TEF: variants seen among roughly 807,000 people sequenced by gnomAD.
TEF encodes thyrotroph embryonic factor.
Under a neutral mutation model 20.8 loss-of-function variants are expected in TEF, and 3 were observed. That is an observed-to-expected ratio of 0.14 (90% confidence interval 0.07 to 0.37). The LOEUF (loss-of-function observed/expected upper bound fraction) is 0.37, where lower values mean the gene tolerates loss of function less well. Ranked by LOEUF, TEF falls within the 10% of genes least tolerant of loss-of-function variation. The probability of loss-of-function intolerance (pLI) is 1.00; values close to 1 mark genes in which losing one functional copy is unlikely to be tolerated. For missense variants in TEF, 296 were observed against 397.9 expected (o/e 0.74, Z 2.18); for synonymous variants, 180 against 171.1 (o/e 1.05, Z -0.41).
rs1210565844 is a variant in TEF, at chr22:41,395,964, G to A, written c.*4G>A. 23 of 1,606,714 alleles carry A rather than the reference G, an allele frequency of 1.4e-5. No individual in the cohort carries two copies. Among genetic ancestry groups the A allele is most frequent in the Admixed American group, 6.7e-5 (4 of 59,872 alleles). The stretch of plus-strand genomic sequence containing the variant: ...GACCAAATACGGGCCCTTGTAACCC[G>A]TGCCCCCCGCCCGGGCGGGGTACTG... On this transcript the variant is annotated 3_prime_UTR_variant, in exon 4 of 4. Coordinates refer to ENST00000266304, the MANE Select transcript of TEF (RefSeq NM_003216.4).
At chr22:41,382,521 C>T (rs187020140) in intron 1 of TEF, among the ~76,000 whole-genome samples, 1,581 of 152,228 alleles carry the variant, frequency 0.01, 38 homozygotes, top group Admixed American at 0.054. Context: ...CTCGGGATGC[C>T]TGTTTAAATT....
intron 3 of TEF, 35 bp downstream of exon 3, chr22:41,394,351 G>A (rs770016725): frequency 1.0e-5 from 16 of 1,593,550 alleles, no homozygotes; most frequent in South Asian, 2.2e-5. Flanking sequence ...AAGATGCAGC[G>A]TTGGTTCAAG....
At chr22:41,380,341 T>C (rs2037001056), upstream of TEF, among the ~76,000 whole-genome samples, 1 of 152,108 alleles carries the variant, frequency 6.6e-6, no homozygotes, top group Non-Finnish European at 1.5e-5. Context: ...CTTACAGTAG[T>C]GTCGGAGTTT....
At position 41,387,508 on chromosome 22, in the gene TEF, G is replaced by C. The variant is rs759574228; in HGVS notation, c.315G>C (p.Leu105=). The C allele has an allele frequency of 1.2e-5, 19 of 1,614,174 alleles. No homozygotes were observed. In the South Asian group the frequency reaches 1.8e-4, roughly 15 times the overall value. ...AGTACATGGACCTGGATGAGTTCCTGCTGGAGAATGGCATCCCCGCCAGCC... is the reference window on the plus strand; with the variant it reads ...AGTACATGGACCTGGATGAGTTCCTCCTGGAGAATGGCATCCCCGCCAGCC... ...HLEYMDLDEF[L]LENGIPASPT... is the part of the protein sequence containing the mutation. The change falls in exon 2 of 4, where the codon CTG becomes CTC. Residue 105 remains leucine (L), a synonymous_variant. Coordinates refer to ENST00000266304, the MANE Select transcript of TEF (RefSeq NM_003216.4).
At position 41,370,078 on chromosome 22, in the gene TEF, G is replaced by A. The variant is rs577759451; in HGVS notation, c.67+2479G>A. On this transcript the variant is annotated intron_variant, in intron 1 of 3. Coordinates refer to the TEF transcript ENST00000406644. Reference sequence around the variant, plus strand: ...GTGCTCTCCCCATGCTCTCCGCTCCGTGCAGCCTCTCACTCCACTTTCTTT... The same window carrying A: ...GTGCTCTCCCCATGCTCTCCGCTCCATGCAGCCTCTCACTCCACTTTCTTT... 18 of 985,194 alleles carry A rather than the reference G, an allele frequency of 1.8e-5. No homozygotes were observed. In the South Asian group the frequency reaches 3.3e-4, roughly 18 times the overall value. 61.0% of individuals were successfully genotyped at this position (985,194 alleles called of 1,614,324 possible).
At chr22:41,384,357 G>A (rs966462723) in intron 1 of TEF, among the ~76,000 whole-genome samples, 12 of 151,970 alleles carry the variant, frequency 7.9e-5, no homozygotes, top group Admixed American at 7.9e-4. Flanking sequence ...ATATCCACAT[G>A]TGTAACTTTG....
intron 1 of TEF, chr22:41,369,113 C>T (rs561914643): frequency 1.0e-6 from 1 of 985,400 alleles, no homozygotes; most frequent in East Asian, 1.1e-4. Flanking sequence ...AAGGGCGAGG[C>T]TGCCAGTGGG....
intron 1 of TEF, chr22:41,369,992 T>C (rs2036862610): frequency 2.0e-6 from 2 of 985,296 alleles, no homozygotes; most frequent in Admixed American, 6.2e-5. Flanking sequence ...GCAGAGCGTA[T>C]CTCACCTCCA....
chr22:41,379,591 G>A (rs945769752), upstream of TEF, among the ~76,000 whole-genome samples: 5 of 152,074 alleles, frequency 3.3e-5, no homozygotes, highest in African/African-American at 1.2e-4. Context: ...AACGCTGGGT[G>A]CGGTGGCTCA....
intron 2 of TEF, among the ~76,000 whole-genome samples, chr22:41,391,508 G>T (rs2037165630): frequency 1.3e-5 from 2 of 151,668 alleles, no homozygotes; most frequent in Admixed American, 1.3e-4. Flanking sequence ...TAGAGACGGG[G>T]TTTCATCGTA....
chr22:41,379,367 C>T (rs943808335), upstream of TEF, among the ~76,000 whole-genome samples: 2 of 151,802 alleles, frequency 1.3e-5, no homozygotes. Context: ...ATTAGCCGTA[C>T]GTGGTGGTGC....
intron 1 of TEF, chr22:41,369,036 A>G (rs959312548): frequency 3.4e-5 from 33 of 984,730 alleles, no homozygotes; most frequent in Non-Finnish European, 4.0e-5. Flanking sequence ...CCAGGAACCC[A>G]GGAAGGGTGG....
intron 1 of TEF, among the ~76,000 whole-genome samples, chr22:41,375,533 G>A (rs1004706937): frequency 3.9e-5 from 6 of 152,224 alleles, no homozygotes; most frequent in East Asian, 1.9e-4. Context: ...GGCGGATCGC[G>A]AGGTCAGGAG....
In TEF at chr22:41,396,484, A is replaced by T; in HGVS notation, c.*524A>T. ...ATCTTCCTTGGAAGCAGGACACACC[A>T]GCTCCTCCGTCAGTGTCTGCATGGG... is the stretch of plus-strand genomic sequence containing the variant. On this transcript the variant is annotated 3_prime_UTR_variant, in exon 4 of 4. Transcript: ENST00000266304. 6.1e-6 allele frequency: 1 copy of T among 165,164 alleles called. No homozygotes were observed. The highest frequency in any genetic ancestry group is 1.3e-5 in the Non-Finnish European group (1 of 76,938). 10.2% of individuals were successfully genotyped at this position (165,164 alleles called of 1,614,324 possible).
chr22:41,378,343 CT>C (rs58676366), upstream of TEF, among the ~76,000 whole-genome samples: 32,611 of 83,480 alleles, frequency 0.39, 5,627 homozygotes, highest in East Asian at 0.68. Context: ...TAACTTTTGC[CT>C]TTTTTTTTTT....
At chr22:41,369,903 G>A in intron 1 of TEF, 1 of 985,336 alleles carries the variant, frequency 1.0e-6, no homozygotes, top group Non-Finnish European at 1.2e-6. Context: ...TATCTCTTTG[G>A]ATGACTGTTT....
intron 1 of TEF, among the ~76,000 whole-genome samples, chr22:41,386,397 T>G (rs560105078): frequency 1.1e-3 from 172 of 149,928 alleles, no homozygotes; most frequent in African/African-American, 4.1e-3. Flanking sequence ...GCCTAGATTG[T>G]GCCATTGCAC....
At chr22:41,393,372 C>T (rs2037189628) in intron 2 of TEF, among the ~76,000 whole-genome samples, 1 of 151,314 alleles carries the variant, frequency 6.6e-6, no homozygotes. Context: ...GAACCCATTT[C>T]CATTCTTCAG....
At chr22:41,377,710 A>G (rs1444293131), upstream of TEF, among the ~76,000 whole-genome samples, 3 of 152,216 alleles carry the variant, frequency 2.0e-5, no homozygotes, top group Non-Finnish European at 4.4e-5. Flanking sequence ...AGCACGATAG[A>G]GAACGTGTTT....
Sources: allele counts gnomAD v4.1 joint callset (sites outside exome capture counted in the v4.1 genomes callset), GRCh38; gene constraint gnomAD v4.1.1; transcripts MANE v1.5; gene names NCBI Gene and HGNC (gene_info 2026-07-23, HGNC 2026-07-21).